The following SLC39A10 variants were observed in gnomAD, a reference collection of about 807,000 sequenced individuals.
SLC39A10 encodes the protein zinc transporter ZIP10.
In SLC39A10, 13 loss-of-function variants were observed where a neutral mutation model predicts 65.1. The ratio of observed to expected loss-of-function variants is 0.20; its 90% CI spans 0.13 to 0.32. The LOEUF is 0.32. Ranked by LOEUF, SLC39A10 falls within the 10% of genes least tolerant of loss-of-function variation. SLC39A10 has a pLI of 1.00. For missense variants in SLC39A10, 831 were observed against 1,018.4 expected, an observed-to-expected ratio of 0.82 and a Z score of 2.50; for synonymous variants, 321 against 342.2, an observed-to-expected ratio of 0.94 and a Z score of 0.68.
At chr2:195,675,634 G>T (rs1287499569) in intron 1 of SLC39A10, among the ~76,000 whole-genome samples, 2 of 152,024 alleles carry the variant, frequency 1.3e-5, no homozygotes, top group African/African-American at 4.8e-5. Context: ...GAGTTTCACC[G>T]TGTTAGCCAG....
chr2:195,613,491 A>G (rs1166977941), intron 2 of SLC39A10, among the ~76,000 whole-genome samples: 2 of 152,208 alleles, frequency 1.3e-5, no homozygotes, highest in East Asian at 3.8e-4. Flanking sequence ...AGTGTTTAAA[A>G]TTTTGAAAGT....
chr2:195,625,849 TG>T (rs1295658740), intron 2 of SLC39A10, among the ~76,000 whole-genome samples: 2 of 152,194 alleles, frequency 1.3e-5, no homozygotes, highest in African/African-American at 4.8e-5. Flanking sequence ...CTCTGTCACC[TG>T]GGCAGGAGAG....
chr2:195,713,417 T>G lies in SLC39A10; in HGVS notation c.1576-16T>G. Reference sequence around the variant, plus strand: ...TTTTATACTAATATCAGATACTATTTTTTTTCTTTTTTTAGGGAAAACAGA... The same window carrying G: ...TTTTATACTAATATCAGATACTATTGTTTTTCTTTTTTTAGGGAAAACAGA... On this transcript the variant is annotated splice_polypyrimidine_tract_variant and intron_variant, in intron 5 of 9. Transcript: ENST00000359634. 1 of 1,523,472 alleles carries G rather than the reference T, an allele frequency of 6.6e-7. No individual in the cohort carries two copies. The highest frequency in any genetic ancestry group is 8.8e-7 in the Non-Finnish European group (1 of 1,136,708). 94.4% of individuals were successfully genotyped at this position (1,523,472 alleles called of 1,614,324 possible).
At chr2:195,706,012 A>G (rs1272770338) in intron 3 of SLC39A10, among the ~76,000 whole-genome samples, 1 of 152,120 alleles carries the variant, frequency 6.6e-6, no homozygotes, top group Non-Finnish European at 1.5e-5. Flanking sequence ...CCCAAATTGG[A>G]GGAATGGGAG....
At chr2:195,678,945 C>T (rs1690199268) in intron 1 of SLC39A10, among the ~76,000 whole-genome samples, 1 of 151,998 alleles carries the variant, frequency 6.6e-6, no homozygotes, top group Non-Finnish European at 1.5e-5. Flanking sequence ...ATAATTGGCT[C>T]TTATTATATT....
rs578119291 is a variant in SLC39A10, at chr2:195,727,633, C to G, written c.2147-526C>G. Among the ~76,000 whole-genome samples, 4 of 152,050 alleles carry G rather than the reference C, an allele frequency of 2.6e-5. No individual in the cohort carries two copies. In the East Asian group the frequency reaches 7.7e-4, roughly 29 times the overall value. On this transcript the variant is annotated intron_variant, in intron 8 of 9. Transcript: ENST00000359634. ...TCCCTTTGAAGAAAGGGTAGAAGTT[C>G]GAGCAGGGAGGTCTTGATTGTTGGT...
intron 2 of SLC39A10, among the ~76,000 whole-genome samples, chr2:195,622,928 C>T (rs1184541776): frequency 2.8e-5 from 4 of 145,066 alleles, no homozygotes; most frequent in Admixed American, 7.0e-5. Flanking sequence ...GCCGAGATGG[C>T]GCCCCTGCAC....
intron 3 of SLC39A10, among the ~76,000 whole-genome samples, chr2:195,684,347 T>A (rs1231168875): frequency 6.6e-6 from 1 of 152,148 alleles, no homozygotes; most frequent in African/African-American, 2.4e-5. Flanking sequence ...CAGGAATGTC[T>A]GGGAAATGCC....
At chr2:195,670,654 C>T (rs553282242) in intron 1 of SLC39A10, among the ~76,000 whole-genome samples, 5 of 152,090 alleles carry the variant, frequency 3.3e-5, no homozygotes, top group South Asian at 2.1e-4. Context: ...GAATAAGGTT[C>T]GTAGTTAATA....
At chr2:195,638,088 A>G (rs1431879162) in intron 2 of SLC39A10, among the ~76,000 whole-genome samples, 1 of 152,198 alleles carries the variant, frequency 6.6e-6, no homozygotes, top group East Asian at 1.9e-4. Flanking sequence ...CAGGATGAAG[A>G]CTGTGAAAAG....
chr2:195,653,983 G>A (rs562169340), upstream of SLC39A10, among the ~76,000 whole-genome samples: 11 of 152,244 alleles, frequency 7.2e-5, no homozygotes, highest in African/African-American at 2.6e-4. Context: ...TTGTTGCCCA[G>A]GCTGGAGTGC....
intron 2 of SLC39A10, among the ~76,000 whole-genome samples, chr2:195,641,612 A>T (rs954425381): frequency 6.6e-6 from 1 of 151,808 alleles, no homozygotes; most frequent in Non-Finnish European, 1.5e-5. Context: ...TCACATGTCA[A>T]TTTAGACTAG....
At chr2:195,716,573 T>TC in intron 6 of SLC39A10, 64 bp from the exon 7 acceptor site, 2 of 1,459,376 alleles carry the variant, frequency 1.4e-6, no homozygotes, top group Non-Finnish European at 9.2e-7. Flanking sequence ...TGCTATTCTG[T>TC]TTAAATTAGC....
At chr2:195,669,711 T>G (rs568814934) in intron 1 of SLC39A10, among the ~76,000 whole-genome samples, 1 of 152,248 alleles carries the variant, frequency 6.6e-6, no homozygotes, top group South Asian at 2.1e-4. Flanking sequence ...GTTAAGGTTT[T>G]TGTAGGCTGG....
chr2:195,718,827 G>C (rs1691912504), intron 8 of SLC39A10, among the ~76,000 whole-genome samples: 1 of 152,086 alleles, frequency 6.6e-6, no homozygotes, highest in South Asian at 2.1e-4. Context: ...ATTAAAGATA[G>C]ATAGGTTCTT....
upstream of SLC39A10, among the ~76,000 whole-genome samples, chr2:195,655,082 A>G (rs1410604036): frequency 1.3e-5 from 2 of 152,222 alleles, no homozygotes; most frequent in Non-Finnish European, 1.5e-5. Context: ...CAATTAGTAA[A>G]GAATAGGCAC....
At chr2:195,624,929 G>C (rs1310860035) in intron 2 of SLC39A10, among the ~76,000 whole-genome samples, 4 of 140,708 alleles carry the variant, frequency 2.8e-5, no homozygotes, top group African/African-American at 1.1e-4. Flanking sequence ...ACTTCTAAAA[G>C]GGGCCGGGCG....
At chr2:195,630,103 ATGTG>A (rs35865354) in intron 2 of SLC39A10, among the ~76,000 whole-genome samples, 24,043 of 131,766 alleles carry the variant, frequency 0.18, 2,247 homozygotes, top group East Asian at 0.32. Context: ...CTCATTTTAT[ATGTG>A]TGTGTGTGTG....
intron 3 of SLC39A10, among the ~76,000 whole-genome samples, chr2:195,696,194 G>A (rs1331031978): frequency 6.6e-6 from 1 of 151,856 alleles, no homozygotes. Context: ...GCTTTGTGTA[G>A]TAAGTTTTAA....
Sources: gnomAD v4.1 joint callset for allele counts (sites outside exome capture counted in the v4.1 genomes callset) on GRCh38, gnomAD v4.1.1 for gene constraint, MANE v1.5 for transcripts, NCBI Gene and HGNC (gene_info 2026-07-23, HGNC 2026-07-21) for gene names.